SLC8A1: variants seen among roughly 807,000 people sequenced by gnomAD.
The protein encoded by SLC8A1 is solute carrier family 8 member A1, also known as sodium/calcium exchanger 1.
In SLC8A1, 18 loss-of-function variants were observed where a neutral mutation model predicts 68.3. That is an observed-to-expected ratio of 0.26 (90% confidence interval 0.18 to 0.39). The LOEUF is 0.39. Among genes scored for constraint, SLC8A1 ranks in the 10% least tolerant of loss-of-function variants. The pLI, the probability that SLC8A1 is intolerant of heterozygous loss-of-function variation, is 1.00. For missense variants in SLC8A1, 985 were observed against 1,156.7 expected (o/e 0.85, Z 2.15); for synonymous variants, 475 against 415.5 (o/e 1.14, Z -1.74).
At chr2:40,387,777 A>C (rs1684027475) in intron 2 of SLC8A1, among the ~76,000 whole-genome samples, 1 of 146,222 alleles carries the variant, frequency 6.8e-6, no homozygotes, top group South Asian at 2.1e-4. Context: ...GTCTCTACTA[A>C]AAACACAAAA....
chr2:40,408,883 GA>G (rs1691225550), intron 2 of SLC8A1, among the ~76,000 whole-genome samples: 1 of 150,954 alleles, frequency 6.6e-6, no homozygotes, highest in Admixed American at 6.6e-5. Context: ...CACTGAAATA[GA>G]AAAAAAATAT....
chr2:40,193,180 T>C (rs1287705092), intron 2 of SLC8A1, among the ~76,000 whole-genome samples: 1 of 152,128 alleles, frequency 6.6e-6, no homozygotes. Context: ...GATCTCACCA[T>C]GACAGTAAGC....
At chr2:40,409,209 C>G (rs1024101698) in intron 2 of SLC8A1, among the ~76,000 whole-genome samples, 1 of 152,026 alleles carries the variant, frequency 6.6e-6, no homozygotes, top group African/African-American at 2.4e-5. Context: ...TGTAAAAGAA[C>G]CTATTAGTTG....
At chr2:40,297,290 A>G (rs2070575269) in intron 2 of SLC8A1, among the ~76,000 whole-genome samples, 1 of 152,190 alleles carries the variant, frequency 6.6e-6, no homozygotes, top group African/African-American at 2.4e-5. Flanking sequence ...CAGGATTTTG[A>G]AAAAGTTGTT....
At chr2:40,210,799 C>A (rs1000511986) in intron 2 of SLC8A1, among the ~76,000 whole-genome samples, 1 of 152,202 alleles carries the variant, frequency 6.6e-6, no homozygotes, top group East Asian at 1.9e-4. Context: ...CATCAGCTCT[C>A]TCTTTATTCT....
rs367549288 is a variant in SLC8A1 at position 40,509,437 on chromosome 2, A to ATTT, written c.-25+2909_-25+2911dup. ...AATCACCTGATCAAGGGGATTTGGA[A>ATTT]TTTTTTTTTTTTTTTTTTTTTTTTT... On this transcript the variant is annotated intron_variant, in intron 1 of 7. Coordinates refer to the SLC8A1 transcript ENST00000402441. 1.2e-3 allele frequency among the ~76,000 whole-genome samples: 131 copies of ATTT among 113,718 alleles called. 1 individual carries two copies. The highest frequency in any genetic ancestry group is 4.2e-3 in the African/African-American group (120 of 28,324). The allele number at this position is 113,718 out of a possible 152,430, so 74.6% of individuals were successfully genotyped here.
exon 8 of SLC8A1, chr2:40,115,278 G>A: frequency 6.2e-7 from 1 of 1,612,238 alleles, no homozygotes; most frequent in Non-Finnish European, 8.5e-7. Flanking sequence ...GTGGCAGTAG[G>A]CCTCCAGGGA....
chr2:40,131,753 G>T (rs969794210), intron 7 of SLC8A1, among the ~76,000 whole-genome samples: 2 of 151,748 alleles, frequency 1.3e-5, no homozygotes, highest in Non-Finnish European at 2.9e-5. Flanking sequence ...GGGTAGCTGT[G>T]TATCACAGCT....
At chr2:40,238,676 C>T (rs368624938) in intron 2 of SLC8A1, among the ~76,000 whole-genome samples, 1 of 152,198 alleles carries the variant, frequency 6.6e-6, no homozygotes, top group Admixed American at 6.5e-5. Context: ...TAGAGCTATG[C>T]AATCAGTCTT....
chr2:40,283,128 C>A (rs1291431141), intron 2 of SLC8A1, among the ~76,000 whole-genome samples: 1 of 152,134 alleles, frequency 6.6e-6, no homozygotes, highest in Non-Finnish European at 1.5e-5. Flanking sequence ...GATAAGAGAA[C>A]AACTAGTCCA....
chr2:40,115,777 C>T, intron 7 of SLC8A1, 148 bp from the exon 11 acceptor site: 3 of 1,036,220 alleles, frequency 2.9e-6, no homozygotes, highest in Non-Finnish European at 4.1e-6. Flanking sequence ...CTGAGTCAGA[C>T]TCATGGGGTG....
intron 2 of SLC8A1, among the ~76,000 whole-genome samples, chr2:40,288,377 G>A (rs574681699): frequency 3.3e-5 from 5 of 152,124 alleles, no homozygotes; most frequent in Non-Finnish European, 7.4e-5. Context: ...TCAACTAAAG[G>A]AAAAGAGAAA....
intron 1 of SLC8A1, among the ~76,000 whole-genome samples, chr2:40,444,034 A>G (rs562202747): frequency 6.6e-6 from 1 of 152,280 alleles, no homozygotes; most frequent in Non-Finnish European, 1.5e-5. Flanking sequence ...GATTGCTAGG[A>G]AGGCCCTTAA....
At chr2:40,307,837 A>C (rs2072948885) in intron 2 of SLC8A1, among the ~76,000 whole-genome samples, 1 of 152,182 alleles carries the variant, frequency 6.6e-6, no homozygotes, top group African/African-American at 2.4e-5. Context: ...ATGGATAGTT[A>C]GTACTTAATT....
At chr2:40,127,214 T>TAGAACTG (rs2038302658) in intron 7 of SLC8A1, among the ~76,000 whole-genome samples, 1 of 152,228 alleles carries the variant, frequency 6.6e-6, no homozygotes, top group Non-Finnish European at 1.5e-5. Flanking sequence ...AGTTCAGTTA[T>TAGAACTG]AGAAGCTATA....
chr2:40,409,951 C>T (rs553147997), intron 2 of SLC8A1, among the ~76,000 whole-genome samples: 2 of 150,440 alleles, frequency 1.3e-5, no homozygotes, highest in East Asian at 3.9e-4. Context: ...GTTCTGTGAG[C>T]GAGTTTAAAA....
chr2:40,097,314 T>G (rs2033628738), exon 8 of SLC8A1: 1 of 142,596 alleles, frequency 7.0e-6, no homozygotes, highest in African/African-American at 2.9e-5. Flanking sequence ...GGAAATATGG[T>G]AAGATTAGGA....
chr2:40,394,333 A>G (rs1686237355), intron 2 of SLC8A1, among the ~76,000 whole-genome samples: 1 of 152,104 alleles, frequency 6.6e-6, no homozygotes, highest in South Asian at 2.1e-4. Context: ...TTTCTGCCCA[A>G]TAAGCTAGTA....
At chr2:40,248,276 A>T (rs1400755978) in intron 2 of SLC8A1, among the ~76,000 whole-genome samples, 1 of 142,652 alleles carries the variant, frequency 7.0e-6, no homozygotes, top group Non-Finnish European at 1.5e-5. Context: ...CTGAATGTTT[A>T]TGTTTTCCCA....
Sources: gnomAD v4.1 joint callset for allele counts (sites outside exome capture counted in the v4.1 genomes callset) on GRCh38, gnomAD v4.1.1 for gene constraint, MANE v1.5 for transcripts, NCBI Gene and HGNC (gene_info 2026-07-23, HGNC 2026-07-21) for gene names.